The following SCAP variants were observed in gnomAD, a reference collection of about 807,000 sequenced individuals.
SCAP encodes the protein SREBF chaperone.
In SCAP, 65 loss-of-function variants were observed where a neutral mutation model predicts 123.6. That is an observed-to-expected ratio of 0.53 (90% CI 0.43 to 0.65). SCAP has a LOEUF of 0.65. SCAP is among the 30% of genes least tolerant of loss of function. The pLI is 0.00. For synonymous variants in SCAP, 740 were observed against 726.3 expected (o/e 1.02, Z -0.30); for missense variants, 1,398 against 1,712.5 (o/e 0.82, Z 3.24).
chr3:47,449,623 C>T (rs936773400), intron 1 of SCAP, among the ~76,000 whole-genome samples: 1 of 124,586 alleles, frequency 8.0e-6, no homozygotes, highest in Non-Finnish European at 1.8e-5. Flanking sequence ...CCATGAGGAT[C>T]CCCTTTCCTG....
intron 18 of SCAP, among the ~76,000 whole-genome samples, chr3:47,416,533 A>G (rs1353322148): frequency 6.6e-6 from 1 of 151,432 alleles, no homozygotes; most frequent in Non-Finnish European, 1.5e-5. Flanking sequence ...ATAGGAGTAT[A>G]TCACTCCCCA....
chr3:47,415,988 T>C (rs1300197303), intron 18 of SCAP, among the ~76,000 whole-genome samples: 4 of 152,118 alleles, frequency 2.6e-5, no homozygotes. Context: ...CCTGGTGAAA[T>C]TGGCCAGGCT....
At chr3:47,448,023 A>C (rs1040291129) in intron 1 of SCAP, among the ~76,000 whole-genome samples, 2 of 151,628 alleles carry the variant, frequency 1.3e-5, no homozygotes, top group Non-Finnish European at 2.9e-5. Flanking sequence ...AAAAAAAAAA[A>C]AAAAAAAAAA....
intron 1 of SCAP, among the ~76,000 whole-genome samples, chr3:47,448,482 C>CT (rs1325278543): frequency 6.6e-6 from 1 of 151,936 alleles, no homozygotes; most frequent in African/African-American, 2.4e-5. Flanking sequence ...TTTCTCCTCT[C>CT]TTTTTGAGAC....
At chr3:47,464,955 A>G (rs1707771186) in intron 1 of SCAP, among the ~76,000 whole-genome samples, 1 of 152,196 alleles carries the variant, frequency 6.6e-6, no homozygotes, top group African/African-American at 2.4e-5. Context: ...AATCAGTTGC[A>G]TTTCTATTGT....
rs766835027 is a variant in SCAP, at chr3:47,418,685, A to C, written c.2099T>G (p.Val700Gly). 3 of 1,463,558 alleles carry C rather than the reference A, an allele frequency of 2.0e-6. No homozygotes were observed. The highest frequency in any genetic ancestry group is 1.1e-5 in the South Asian group (1 of 88,534). The allele number at this position is 1,463,558 out of a possible 1,614,324, so 90.7% of individuals were successfully genotyped here. ...WEAGPKGPGG[V>G]QAHGDVTLYK... ...CAGCGTGACGTCTCCATGGGCCTGC[A>C]CCCCACCTGGGCCCTTGGGTCCTGC... The change falls in exon 14 of 23, where the codon GTG (valine) becomes GGG (glycine). Residue 700 changes from valine (V) to glycine (G), a missense_variant. By Grantham distance (109) the Val-to-Gly change is moderately radical. Around this residue, in one of 7 missense-constraint regions of SCAP, gnomAD observed 828 missense variants for 882.5 expected, o/e 0.94. Coordinates refer to ENST00000265565, the MANE Select transcript of SCAP (RefSeq NM_012235.4).
chr3:47,454,503 G>A (rs1487445322), intron 1 of SCAP, among the ~76,000 whole-genome samples: 1 of 152,072 alleles, frequency 6.6e-6, no homozygotes, highest in Non-Finnish European at 1.5e-5. Context: ...AAGGCTGGTG[G>A]ATCGTTTGAG....
chr3:47,446,487 T>A (rs1707047808), intron 1 of SCAP, among the ~76,000 whole-genome samples: 1 of 152,058 alleles, frequency 6.6e-6, no homozygotes, highest in South Asian at 2.1e-4. Context: ...AATTCTTATG[T>A]TTACTTTTTT....
At chr3:47,423,365 G>A (rs189938352) in intron 9 of SCAP, among the ~76,000 whole-genome samples, 1 of 152,246 alleles carries the variant, frequency 6.6e-6, no homozygotes, top group Non-Finnish European at 1.5e-5. Flanking sequence ...GTGCTGGAGT[G>A]AGGCAGTAAG....
At chr3:47,452,924 T>C (rs1005895121) in intron 1 of SCAP, among the ~76,000 whole-genome samples, 8 of 26,414 alleles carry the variant, frequency 3.0e-4, no homozygotes, top group African/African-American at 5.4e-4. Context: ...ATCCTGTCTC[T>C]ACAAAAAAAA....
rs949325619 is a variant in SCAP at position 47,443,106 on chromosome 3, G to A, written c.-98-15C>T. The stretch of plus-strand genomic sequence containing the variant: ...TGTGCAGGTACCTGGTAAGAAGGGA[G>A]AAAAGCCAGTTAACAAAGAGTACTT... On this transcript the variant is annotated splice_polypyrimidine_tract_variant and intron_variant, in intron 1 of 22. Coordinates refer to ENST00000265565, the MANE Select transcript of SCAP (RefSeq NM_012235.4). 6.5e-7 allele frequency: 1 copy of A among 1,532,414 alleles called. No homozygotes were observed. Among genetic ancestry groups the A allele is most frequent in the African/African-American group, 1.4e-5 (1 of 72,926 alleles). The allele number at this position is 1,532,414 out of a possible 1,614,324, so 94.9% of individuals were successfully genotyped here. A position where few individuals can be genotyped will look rare whatever the true frequency, so the allele number is the denominator to read the frequency against.
intron 1 of SCAP, among the ~76,000 whole-genome samples, chr3:47,457,623 C>A (rs1484505898): frequency 4.6e-5 from 7 of 152,134 alleles, no homozygotes. Context: ...AATTACTTCT[C>A]TGGGCCGGGC....
chr3:47,420,958 G>A lies in SCAP; in HGVS notation c.1317C>T (p.Val439=). ...CCATCCGGCGAATGTCAATGGACAG[G>A]ACAGTGGTGAAAAACAGCATCTGAA... ...FFLQMLFFTT[V]LSIDIRRMEL... The change falls in exon 11 of 23, where the codon GTC becomes GTT. Residue 439 remains valine (V), a synonymous_variant. Transcript: ENST00000265565. This position sits in a 1 kb window ranked among gnomAD's most constrained non-coding sequence, Gnocchi z 5.0. 1 of 1,613,952 alleles carries A rather than the reference G, an allele frequency of 6.2e-7. No homozygotes were observed. The highest frequency in any genetic ancestry group is 1.3e-5 in the African/African-American group (1 of 75,042).
chr3:47,465,118 A>G (rs977222381), intron 1 of SCAP, among the ~76,000 whole-genome samples: 2 of 152,200 alleles, frequency 1.3e-5, no homozygotes, highest in Non-Finnish European at 1.5e-5. Context: ...ACGTAAAATA[A>G]AGGGAAAGAA....
rs1197986718 is a variant in SCAP, at chr3:47,420,723, G to C, written c.1394C>G (p.Ala465Gly). Residue 465 changes from alanine (A) to glycine (G), a missense_variant, in exon 12 of 23, where the codon GCC becomes GGC. Physicochemically the swap from Ala to Gly is moderately conservative, Grantham distance 60. This residue lies in a region of SCAP where 828 missense variants were observed against 882.5 expected (regional missense o/e 0.94). Transcript: ENST00000265565. The surrounding 1 kb of genome is among the most constrained non-coding windows in gnomAD (Gnocchi z 5.0). ...GCGCGTTGGCTGTCCCACTGGCTTG[G>C]CTGAGGGCAGGCAGGCCTCAGGGGG... is the stretch of plus-strand genomic sequence containing the variant. Reference protein sequence around the residue: ...RLPPEACLPSAKPVGQPTRYE... With the variant: ...RLPPEACLPSGKPVGQPTRYE... 6.2e-7 allele frequency: 1 copy of C among 1,611,178 alleles called. No homozygotes were observed. The highest frequency in any genetic ancestry group is 2.2e-5 in the East Asian group (1 of 44,876).
intron 3 of SCAP, among the ~76,000 whole-genome samples, chr3:47,432,636 T>C (rs1156420658): frequency 2.6e-5 from 4 of 152,158 alleles, no homozygotes; most frequent in Non-Finnish European, 5.9e-5. Flanking sequence ...CAATGTACTG[T>C]CTACTGCCCG....
chr3:47,446,537 T>C (rs1446611493), intron 1 of SCAP, among the ~76,000 whole-genome samples: 1 of 152,186 alleles, frequency 6.6e-6, no homozygotes, highest in African/African-American at 2.4e-5. Flanking sequence ...TGTATTTTTT[T>C]TCTTTTTGTT....
chr3:47,462,419 A>G (rs1255216629), intron 1 of SCAP, among the ~76,000 whole-genome samples: 1 of 152,160 alleles, frequency 6.6e-6, no homozygotes. Context: ...TTTCAATCTA[A>G]GGACCTGCCT....
chr3:47,459,397 C>T (rs1002516667), intron 1 of SCAP, among the ~76,000 whole-genome samples: 3 of 152,290 alleles, frequency 2.0e-5, no homozygotes, highest in East Asian at 3.9e-4. Context: ...TGACGAGTCT[C>T]GTTGCGTTAC....
Sources: gnomAD v4.1 joint callset for allele counts (sites outside exome capture counted in the v4.1 genomes callset) on GRCh38, gnomAD v4.1.1 for gene constraint, gnomAD v4.1.1 regional missense constraint, Gnocchi (gnomAD v3.1) non-coding constraint, MANE v1.5 for transcripts, NCBI Gene and HGNC (gene_info 2026-07-23, HGNC 2026-07-21) for gene names.